Variants in SLC15A2 observed in about 807,000 individuals in gnomAD.
The protein encoded by SLC15A2 is solute carrier family 15 member 2.
SLC15A2 carries 77 observed loss-of-function variants against 95.5 expected under a neutral mutation model. The observed-to-expected ratio is 0.81, with a 90% CI of 0.67 to 0.97. The LOEUF (loss-of-function observed/expected upper bound fraction) is 0.97, where lower values mean the gene tolerates loss of function less well. Ranked by LOEUF, SLC15A2 falls within the 50% of genes least tolerant of loss-of-function variation. The probability of loss-of-function intolerance (pLI) is 0.00; values close to 1 mark genes in which losing one functional copy is unlikely to be tolerated. For missense variants in SLC15A2, 893 were observed against 874.4 expected, an observed-to-expected ratio of 1.02 and a Z score of -0.27; for synonymous variants, 306 against 306.9, an observed-to-expected ratio of 1.00 and a Z score of 0.03.
Position 121,941,073 on chromosome 3 carries a change from C to A in SLC15A2, c.*66C>A. ...GTCTTGAAGCATTTTTTTTCTTCTA[C>A]TGGATTAGACAAGAGAGATAGCAGC... On this transcript the variant is annotated 3_prime_UTR_variant, in exon 22 of 22. Coordinates refer to ENST00000489711, the MANE Select transcript of SLC15A2 (RefSeq NM_021082.4). 7.0e-7 allele frequency: 1 copy of A among 1,428,850 alleles called. No homozygotes were observed. Among genetic ancestry groups the A allele is most frequent in the Non-Finnish European group, 9.6e-7 (1 of 1,043,882 alleles). 88.5% of individuals were successfully genotyped at this position (1,428,850 alleles called of 1,614,324 possible).
intron 19 of SLC15A2, among the ~76,000 whole-genome samples, chr3:121,932,095 G>A (rs1284909417): frequency 1.1e-4 from 16 of 152,012 alleles, no homozygotes; most frequent in Admixed American, 9.8e-4. Flanking sequence ...GTAGAGATGG[G>A]GTTTTGCCGT....
intron 6 of SLC15A2, 108 bp downstream of exon 6, chr3:121,915,425 C>A: frequency 2.4e-6 from 2 of 850,434 alleles, no homozygotes; most frequent in Non-Finnish European, 3.9e-6. Flanking sequence ...GCTTGATAAT[C>A]TGTGAAAATT....
At position 121,923,267 on chromosome 3, in the gene SLC15A2, GT is replaced by G; in HGVS notation, c.1002+2del. On this transcript the variant is annotated splice_donor_variant, in intron 11 of 21. Coordinates refer to ENST00000489711, the MANE Select transcript of SLC15A2 (RefSeq NM_021082.4). LOFTEE classifies it high-confidence loss of function. ...AGCCATCAGGATGAATAGGAATTTG[GT>G]GAGTAGAAGAGATTTTCCAGAGAAG... 6.2e-7 allele frequency: 1 copy of G among 1,613,716 alleles called. No homozygotes were observed. The highest frequency in any genetic ancestry group is 8.5e-7 in the Non-Finnish European group (1 of 1,179,724).
chr3:121,931,981 C>A (rs1199529408), intron 19 of SLC15A2, among the ~76,000 whole-genome samples: 1 of 152,134 alleles, frequency 6.6e-6, no homozygotes, highest in Non-Finnish European at 1.5e-5. Flanking sequence ...CTCACTGCAA[C>A]CTCTGCCTCC....
At chr3:121,909,213 C>A (rs553425794) in intron 3 of SLC15A2, among the ~76,000 whole-genome samples, 6 of 152,154 alleles carry the variant, frequency 3.9e-5, no homozygotes, top group African/African-American at 1.4e-4. Flanking sequence ...CAGGCATGCA[C>A]CACCATGCCT....
In SLC15A2 at chr3:121,923,029, C is replaced by T; in HGVS notation, c.868-11C>T. 1.2e-6 allele frequency: 2 copies of T among 1,613,028 alleles called. No homozygotes were observed. Among genetic ancestry groups the T allele is most frequent in the Non-Finnish European group, 1.7e-6 (2 of 1,179,226 alleles). On this transcript the variant is annotated splice_polypyrimidine_tract_variant and intron_variant, in intron 9 of 21. Transcript: ENST00000489711. ...TCTAGCATTTCTGCCCATTCTTCCT[C>T]CTTTTCGCAGAAGCAGCTCATTATG...
intron 7 of SLC15A2, among the ~76,000 whole-genome samples, chr3:121,917,134 T>C (rs1365693202): frequency 1.3e-5 from 2 of 152,216 alleles, no homozygotes; most frequent in East Asian, 3.8e-4. Flanking sequence ...AATTTATTTT[T>C]TCATTCACTC....
At chr3:121,911,483 C>T (rs1709766193) in intron 3 of SLC15A2, 91 bp from the exon 4 acceptor site, 2 of 803,528 alleles carry the variant, frequency 2.5e-6, no homozygotes, top group East Asian at 5.0e-5. Context: ...CTCCATTTAT[C>T]CCCACACTGA....
intron 3 of SLC15A2, among the ~76,000 whole-genome samples, chr3:121,897,900 G>A (rs939272941): frequency 9.2e-5 from 14 of 152,132 alleles, no homozygotes; most frequent in African/African-American, 2.9e-4. Context: ...GGTGGCTCAC[G>A]CCTGTAATCC....
intron 3 of SLC15A2, among the ~76,000 whole-genome samples, chr3:121,900,002 A>G (rs1709492928): frequency 6.6e-6 from 1 of 152,012 alleles, no homozygotes; most frequent in South Asian, 2.1e-4. Context: ...GTCCTCTTAT[A>G]TCTTTTCTTA....
chr3:121,936,270 G>A (rs1381633681), intron 19 of SLC15A2, among the ~76,000 whole-genome samples: 1 of 152,196 alleles, frequency 6.6e-6, no homozygotes, highest in African/African-American at 2.4e-5. Flanking sequence ...TTCTGTAGAT[G>A]TCTATTAGGT....
At chr3:121,940,624 C>T in intron 21 of SLC15A2, 136 bp downstream of exon 21, 2 of 855,712 alleles carry the variant, frequency 2.3e-6, no homozygotes, top group South Asian at 1.6e-5. Flanking sequence ...GATATACAGA[C>T]TTTACCAGGA....
intron 7 of SLC15A2, among the ~76,000 whole-genome samples, chr3:121,920,220 G>T (rs564952701): frequency 6.6e-6 from 1 of 152,102 alleles, no homozygotes; most frequent in African/African-American, 2.4e-5. Flanking sequence ...CTCTTTCTAG[G>T]ATCATTCTTA....
intron 3 of SLC15A2, among the ~76,000 whole-genome samples, chr3:121,906,917 T>A (rs1709659866): frequency 1.3e-5 from 2 of 152,362 alleles, no homozygotes; most frequent in Admixed American, 1.3e-4. Context: ...GTTGGGGAAG[T>A]TCTCCTGGAT....
rs747944469 is a variant in SLC15A2, at chr3:121,940,831, T to C, written c.2014T>C (p.Trp672Arg). ...VVAQFSGLVQ[W>R]AEFILFSCLL... is the part of the protein sequence containing the mutation. Reference sequence around the variant, plus strand: ...TTCTCATATTTATTTCCCCCTGCAGTGGGCCGAATTCATTTTGTTTTCCTG... The same window carrying C: ...TTCTCATATTTATTTCCCCCTGCAGCGGGCCGAATTCATTTTGTTTTCCTG... Residue 672 changes from tryptophan (W) to arginine (R), a missense_variant and splice_region_variant, in exon 22 of 22, where the codon TGG becomes CGG. Coordinates refer to ENST00000489711, the MANE Select transcript of SLC15A2 (RefSeq NM_021082.4). 11 of 1,610,854 alleles carry C rather than the reference T, an allele frequency of 6.8e-6. No homozygotes were observed. In the East Asian group the frequency reaches 1.1e-4, roughly 16 times the overall value.
chr3:121,909,623 T>G (rs2107580858), intron 3 of SLC15A2, among the ~76,000 whole-genome samples: 1 of 152,224 alleles, frequency 6.6e-6, no homozygotes, highest in African/African-American at 2.4e-5. Context: ...GTTTGTTTGT[T>G]GTTTTTGTTT....
rs76469580 is a variant in SLC15A2 at position 121,929,328 on chromosome 3, C to G, written c.1533C>G (p.Thr511=). ...MMVKDTESRT[T]NGMTTVRFVN... ...TAAAGGATACAGAAAGCAGAACAACCAATGGGATGACAACCGTGAGGTTTG... is the reference window on the plus strand; with the variant it reads ...TAAAGGATACAGAAAGCAGAACAACGAATGGGATGACAACCGTGAGGTTTG... Residue 511 remains threonine (T), a synonymous_variant, in exon 17 of 22, where the codon ACC becomes ACG. Coordinates refer to ENST00000489711, the MANE Select transcript of SLC15A2 (RefSeq NM_021082.4). 2 of 1,613,886 alleles carry G rather than the reference C, an allele frequency of 1.2e-6. No individual in the cohort carries two copies. Among genetic ancestry groups the G allele is most frequent in the Non-Finnish European group, 8.5e-7 (1 of 1,179,844 alleles).
At chr3:121,928,390 G>T in intron 14 of SLC15A2, 31 bp from the exon 15 acceptor site, 1 of 1,607,602 alleles carries the variant, frequency 6.2e-7, no homozygotes, top group Non-Finnish European at 8.5e-7. Flanking sequence ...ATTATTTGTT[G>T]GTGATTCTGA....
At chr3:121,906,859 G>A (rs1207671411) in intron 3 of SLC15A2, among the ~76,000 whole-genome samples, 2 of 152,156 alleles carry the variant, frequency 1.3e-5, no homozygotes, top group Non-Finnish European at 1.5e-5. Flanking sequence ...TTCTCGAGGA[G>A]TATCTTTGTG....
Sources: allele counts gnomAD v4.1 joint callset (sites outside exome capture counted in the v4.1 genomes callset), GRCh38; gene constraint gnomAD v4.1.1; transcripts MANE v1.5; gene names NCBI Gene and HGNC (gene_info 2026-07-23, HGNC 2026-07-21).